The following PCDH1 variants were observed in gnomAD, a reference collection of about 807,000 sequenced individuals.
PCDH1 encodes protocadherin 1, also known as protocadherin-1.
PCDH1 carries 23 observed loss-of-function variants against 74.6 expected under a neutral mutation model. That is an observed-to-expected ratio of 0.31 (90% CI 0.22 to 0.44). The LOEUF is 0.44. Ranked by LOEUF, PCDH1 falls within the 20% of genes least tolerant of loss-of-function variation. PCDH1 has a pLI of 1.00. For synonymous variants in PCDH1, 647 were observed against 686.1 expected, an observed-to-expected ratio of 0.94 and a Z score of 0.89; for missense variants, 1,214 against 1,641.4, an observed-to-expected ratio of 0.74 and a Z score of 4.50.
rs1265340755 is a variant in PCDH1, at chr5:141,878,237, C to A, written c.26G>T (p.Arg9Leu). The change falls in exon 1 of 5, where the codon CGC becomes CTC. Residue 9 changes from arginine (R) to leucine (L), a missense_variant. This residue lies in a region of PCDH1 where 87 missense variants were observed against 87.7 expected (regional missense o/e 0.99). Transcript: ENST00000287008. The surrounding 1 kb of genome is among the most constrained non-coding windows in gnomAD (Gnocchi z 5.5). ...CGGATCCTTACCCGCCTCCGGGCAG[C>A]GCCGGCCGCCCGCCCCGCTGTCCAT... is the stretch of plus-strand genomic sequence containing the variant. MDSGAGGRRCPEAALLILG... is the reference protein window; with the variant it reads MDSGAGGRLCPEAALLILG... 1 of 1,378,980 alleles carries A rather than the reference C, an allele frequency of 7.3e-7. No individual in the cohort carries two copies. 85.4% of individuals were successfully genotyped at this position (1,378,980 alleles called of 1,614,324 possible).
At chr5:141,861,523 A>C (rs1273087700) in intron 3 of PCDH1, among the ~76,000 whole-genome samples, 1 of 152,196 alleles carries the variant, frequency 6.6e-6, no homozygotes, top group Non-Finnish European at 1.5e-5. Context: ...AAAGGACAGA[A>C]AAGGAAGAGA....
chr5:141,878,123 C>A lies in PCDH1; in HGVS notation c.40+100G>T. The A allele has an allele frequency of 8.6e-7, 1 of 1,158,858 alleles. No homozygotes were observed. Among genetic ancestry groups the A allele is most frequent in the East Asian group, 3.3e-5 (1 of 29,876 alleles). The allele number at this position is 1,158,858 out of a possible 1,614,324, so 71.8% of individuals were successfully genotyped here. On this transcript the variant is annotated intron_variant, in intron 1 of 4. Coordinates refer to ENST00000287008, the MANE Select transcript of PCDH1 (RefSeq NM_032420.5). This position sits in a 1 kb window ranked among gnomAD's most constrained non-coding sequence, Gnocchi z 5.5. ...TCGCGCCGAGCTCGTGTTGGGCCCC[C>A]GCGGCCTCGCTCCGCCGAGCGCCCC...
At position 141,870,110 on chromosome 5, in the gene PCDH1, C is replaced by T. The variant is rs770023359; in HGVS notation, c.41-679G>A. Among the ~76,000 whole-genome samples the T allele has an allele frequency of 7.9e-5, 12 of 152,310 alleles. No homozygotes were observed. The South Asian group carries it at 8.3e-4, about 11-fold the overall frequency. On this transcript the variant is annotated intron_variant, in intron 1 of 4. Transcript: ENST00000287008. ...ATCCTCTTTTTCTGACAATCACCCA[C>T]GGTGCCCAGTATTCTCCACCCCCAT... is the stretch of plus-strand genomic sequence containing the variant.
intron 2 of PCDH1, chr5:141,866,109 T>A: frequency 2.0e-6 from 2 of 985,546 alleles, no homozygotes; most frequent in Non-Finnish European, 2.4e-6. Flanking sequence ...GGATTTCTTT[T>A]GAAAGAAGTC....
chr5:141,874,664 A>C (rs1003347250), intron 1 of PCDH1, among the ~76,000 whole-genome samples: 2 of 152,130 alleles, frequency 1.3e-5, no homozygotes, highest in African/African-American at 4.8e-5. Flanking sequence ...CTTCCAGCCC[A>C]CCCCGGGGAC....
chr5:141,872,756 GAACCAATTAAGGACTGTGGTATCT>G (rs1753124843), intron 1 of PCDH1, among the ~76,000 whole-genome samples: 1 of 152,200 alleles, frequency 6.6e-6, no homozygotes, highest in Non-Finnish European at 1.5e-5. Flanking sequence ...ACCAGCAAAA[GAACCAATTAAGGACTGTGGTATCT>G]AACCTCTGAA....
chr5:141,863,506 A>T lies in PCDH1; in HGVS notation c.2825T>A (p.Met942Lys). Residue 942 changes from methionine (M) to lysine (K), a missense_variant, in exon 3 of 5, where the codon ATG (methionine) becomes AAG (lysine). By Grantham distance (95) the Met-to-Lys change is moderately conservative (BLOSUM62 -1). This residue lies in a region of PCDH1 where 836 missense variants were observed against 1,182.2 expected (regional missense o/e 0.71). Transcript: ENST00000287008. The surrounding 1 kb of genome is among the most constrained non-coding windows in gnomAD (Gnocchi z 7.5). ...GLQKSLKFNL[M>K]SDAPGDSPRI... is the part of the protein sequence containing the mutation. ...GGGACTGTCCCCAGGGGCATCGCTC[A>T]TCAGGTTGAACTTGAGGGACTTCTG... 6.2e-7 allele frequency: 1 copy of T among 1,613,326 alleles called. No homozygotes were observed. The highest frequency in any genetic ancestry group is 8.5e-7 in the Non-Finnish European group (1 of 1,179,596).
At chr5:141,874,389 C>T (rs1023645561) in intron 1 of PCDH1, among the ~76,000 whole-genome samples, 2 of 152,210 alleles carry the variant, frequency 1.3e-5, no homozygotes, top group Admixed American at 1.3e-4. Flanking sequence ...ATCTGCCCTT[C>T]CCCGGGCCCT....
rs147327566 is a variant in PCDH1, at chr5:141,863,264, G to A, written c.3067C>T (p.Arg1023Cys). 25 of 1,592,794 alleles carry A rather than the reference G, an allele frequency of 1.6e-5. No individual in the cohort carries two copies. The highest frequency in any genetic ancestry group is 2.7e-5 in the African/African-American group (2 of 74,384). Reference protein sequence around the residue: ...GSEQYSDYSYRTNPPKYPSKQ... With the variant: ...GSEQYSDYSYCTNPPKYPSKQ... ...CTGGGGTATTTGGGGGGGTTGGTGC[G>A]GTAGCTGTAGTCGGAGTACTGCTCA... The change falls in exon 3 of 5, where the codon CGC becomes TGC. Residue 1023 changes from arginine (R) to cysteine (C), a missense_variant. Coordinates refer to ENST00000287008, the MANE Select transcript of PCDH1 (RefSeq NM_032420.5). The surrounding 1 kb of genome is among the most constrained non-coding windows in gnomAD (Gnocchi z 7.5).
intron 1 of PCDH1, among the ~76,000 whole-genome samples, chr5:141,871,412 T>C (rs1041531084): frequency 4.6e-5 from 7 of 152,220 alleles, no homozygotes; most frequent in Non-Finnish European, 8.8e-5. Flanking sequence ...TTGGCGAATG[T>C]AAGGCAGCAG....
chr5:141,878,344 G>C lies in PCDH1; in HGVS notation c.-82C>G, dbSNP rs191502512. 0.01 allele frequency: 11,067 copies of C among 1,060,602 alleles called. 909 individuals are homozygous for C. In the African/African-American group the frequency reaches 0.17, roughly 16 times the overall value. 65.7% of individuals were successfully genotyped at this position (1,060,602 alleles called of 1,614,324 possible). ...CAGTTCGGGCTCCGGCTCCGGCTCCGGCTGGCTCTGGGCGCAGCAGCCCGG... is the reference window on the plus strand; with the variant it reads ...CAGTTCGGGCTCCGGCTCCGGCTCCCGCTGGCTCTGGGCGCAGCAGCCCGG... On this transcript the variant is annotated 5_prime_UTR_variant, in exon 1 of 5. Transcript: ENST00000287008. This position sits in a 1 kb window ranked among gnomAD's most constrained non-coding sequence, Gnocchi z 5.5.
chr5:141,873,293 ATT>A (rs548141067), intron 1 of PCDH1, among the ~76,000 whole-genome samples: 15,388 of 123,442 alleles, frequency 0.12, 978 homozygotes, highest in African/African-American at 0.22. Context: ...GCCCGGCTAA[ATT>A]TTTTTTTTTT....
rs116060950 is a variant in PCDH1 at position 141,868,237 on chromosome 5, A to C, written c.903+332T>G. On this transcript the variant is annotated intron_variant, in intron 2 of 4. Transcript: ENST00000287008. The surrounding 1 kb of genome is among the most constrained non-coding windows in gnomAD (Gnocchi z 4.8). Reference sequence around the variant, plus strand: ...GATAAACGGTGATTCCTTTGTTCCAACTCAGCTCACCTGGCTAGCAGAGAA... The same window carrying C: ...GATAAACGGTGATTCCTTTGTTCCACCTCAGCTCACCTGGCTAGCAGAGAA... Among the ~76,000 whole-genome samples the C allele has an allele frequency of 9.5e-3, 1,445 of 152,238 alleles. 28 individuals carry two copies. The highest frequency in any genetic ancestry group is 0.033 in the African/African-American group (1,388 of 41,538).
rs770868176 is a variant in PCDH1 at position 141,856,256 on chromosome 5, G to GCTCCTGC, written c.3319+995_3319+996insGCAGGAG. The GCTCCTGC allele has an allele frequency of 1.4e-4, 208 of 1,535,506 alleles. 2 individuals carry two copies. The Middle Eastern group carries it at 3.0e-3, about 22-fold the overall frequency. On this transcript the variant is annotated intron_variant, in intron 4 of 4. Coordinates refer to ENST00000287008, the MANE Select transcript of PCDH1 (RefSeq NM_032420.5). ...TCTGCCTCAGGGCCTGCTCCGGCCA[G>GCTCCTGC]CCGGCTCTGCGCGGGCACAAAAAGG...
At chr5:141,871,340 A>G (rs753610591) in intron 1 of PCDH1, among the ~76,000 whole-genome samples, 2 of 152,254 alleles carry the variant, frequency 1.3e-5, no homozygotes, top group Admixed American at 1.3e-4. Flanking sequence ...CCAATCTGCC[A>G]TGACAGTGCT....
chr5:141,878,373 C>T lies in PCDH1; in HGVS notation c.-111G>A. The T allele has an allele frequency of 1.2e-6, 1 of 827,708 alleles. No homozygotes were observed. Among genetic ancestry groups the T allele is most frequent in the Non-Finnish European group, 1.6e-6 (1 of 642,938 alleles). 51.3% of individuals were successfully genotyped at this position (827,708 alleles called of 1,614,324 possible). A position where few individuals can be genotyped will look rare whatever the true frequency, so the allele number is the denominator to read the frequency against. On this transcript the variant is annotated 5_prime_UTR_variant, in exon 1 of 5. Coordinates refer to ENST00000287008, the MANE Select transcript of PCDH1 (RefSeq NM_032420.5). The surrounding 1 kb of genome is among the most constrained non-coding windows in gnomAD (Gnocchi z 5.5). ...GGCTCTGGGCGCAGCAGCCCGGCGG[C>T]TTTGCGTCCGCGCCGCGCTCCCGCT...
chr5:141,875,105 T>C (rs1753187521), intron 1 of PCDH1, among the ~76,000 whole-genome samples: 1 of 152,232 alleles, frequency 6.6e-6, no homozygotes, highest in African/African-American at 2.4e-5. Context: ...AACCTGCCTC[T>C]TGAAATTATT....
chr5:141,858,229 C>A (rs1752434707), intron 3 of PCDH1, among the ~76,000 whole-genome samples: 1 of 152,176 alleles, frequency 6.6e-6, no homozygotes, highest in Non-Finnish European at 1.5e-5. Context: ...TCCAGAGAGG[C>A]CTGGGAGTGG....
At chr5:141,877,574 G>C (rs1398283196) in intron 1 of PCDH1, among the ~76,000 whole-genome samples, 1 of 152,178 alleles carries the variant, frequency 6.6e-6, no homozygotes, top group Non-Finnish European at 1.5e-5. Flanking sequence ...GTCACACCCG[G>C]TTGTGTTATT....
Sources: gnomAD v4.1 joint callset for allele counts (sites outside exome capture counted in the v4.1 genomes callset) on GRCh38, gnomAD v4.1.1 for gene constraint, gnomAD v4.1.1 regional missense constraint, Gnocchi (gnomAD v3.1) non-coding constraint, MANE v1.5 for transcripts, NCBI Gene and HGNC (gene_info 2026-07-23, HGNC 2026-07-21) for gene names.